UGT2B17: variants seen among roughly 807,000 people sequenced by gnomAD.
The protein encoded by UGT2B17 is UDP-glucuronosyltransferase 2B17.
Under a neutral mutation model 48.2 loss-of-function variants are expected in UGT2B17, and 21 were observed. That is an observed-to-expected ratio of 0.44 (90% CI 0.31 to 0.63). UGT2B17 has a LOEUF of 0.63. Ranked by LOEUF, UGT2B17 falls within the 20% of genes least tolerant of loss-of-function variation. The probability of loss-of-function intolerance (pLI) is 0.08; values close to 1 mark genes in which losing one functional copy is unlikely to be tolerated. For missense variants in UGT2B17, 402 were observed against 696.1 expected (o/e 0.58, Z 4.75); for synonymous variants, 146 against 238.4 (o/e 0.61, Z 3.57).
chr4:68,538,648 A>G (rs2109756730), intron 6 of UGT2B17, among the ~76,000 whole-genome samples: 1 of 126,790 alleles, frequency 7.9e-6, no homozygotes, highest in Admixed American at 8.1e-5. Flanking sequence ...TCCTACTAGT[A>G]GCCAGAACAT....
chr4:68,541,460 T>G (rs1730654302), intron 6 of UGT2B17, among the ~76,000 whole-genome samples: 1 of 126,836 alleles, frequency 7.9e-6, no homozygotes, highest in Non-Finnish European at 1.7e-5. Flanking sequence ...GAGAAGTGTC[T>G]GTTTATATCC....
At chr4:68,549,839 T>C (rs1730883905) in intron 6 of UGT2B17, among the ~76,000 whole-genome samples, 1 of 125,956 alleles carries the variant, frequency 7.9e-6, no homozygotes, top group African/African-American at 2.7e-5. Flanking sequence ...AGAAAATATG[T>C]ATAACAATAT....
rs756338015 is a variant in UGT2B17, at chr4:68,561,471, A to G, written c.874-803T>C. ...CTCAGATCATTGTTTAGGTATGACTATGATACCTTTTGTCCTGAAATCACA... is the reference window on the plus strand; with the variant it reads ...CTCAGATCATTGTTTAGGTATGACTGTGATACCTTTTGTCCTGAAATCACA... On this transcript the variant is annotated intron_variant, in intron 3 of 6. Transcript: ENST00000317746. 1.6e-5 allele frequency among the ~76,000 whole-genome samples: 2 copies of G among 124,752 alleles called. 1 individual carries two copies. The highest frequency in any genetic ancestry group is 3.4e-5 in the Non-Finnish European group (2 of 59,264). The allele number at this position is 124,752 out of a possible 152,430, so 81.8% of individuals were successfully genotyped here. A position where few individuals can be genotyped will look rare whatever the true frequency, so the allele number is the denominator to read the frequency against.
rs1331143046 is a variant in UGT2B17 at position 68,537,760 on chromosome 4, C to G, written c.1458G>C (p.Trp486Cys). The change falls in exon 7 of 7, where the codon TGG (tryptophan) becomes TGC (cysteine). Residue 486 changes from tryptophan (W) to cysteine (C), a missense_variant. Trp to Cys is a radical substitution (Grantham distance 215, BLOSUM62 -2). Transcript: ENST00000317746. ...TCACATCCAAAGAGTGGTACTGGAT[C>G]CAGGTGAGGTTGTGGGCTGCGACCC... The part of the protein sequence containing the change: ...HLRVAAHNLT[W>C]IQYHSLDVIA... 1.4e-6 allele frequency: 2 copies of G among 1,379,582 alleles called. 1 individual carries two copies. The highest frequency in any genetic ancestry group is 2.9e-5 in the African/African-American group (2 of 67,914). 85.5% of individuals were successfully genotyped at this position (1,379,582 alleles called of 1,614,324 possible).
intron 4 of UGT2B17, among the ~76,000 whole-genome samples, chr4:68,553,780 T>C (rs1340103318): frequency 1.6e-5 from 2 of 122,552 alleles, no homozygotes; most frequent in African/African-American, 5.6e-5. Context: ...GTCTCCTCTA[T>C]TGTTTTTATT....
chr4:68,574,859 T>A (rs1232483747), intron 1 of UGT2B17, among the ~76,000 whole-genome samples: 1 of 125,154 alleles, frequency 8.0e-6, no homozygotes, highest in African/African-American at 2.7e-5. Context: ...ATTACAAACA[T>A]TTTTTTCTTC....
chr4:68,539,306 A>G (rs1488709432), intron 6 of UGT2B17, among the ~76,000 whole-genome samples: 2 of 125,650 alleles, frequency 1.6e-5, no homozygotes, highest in African/African-American at 5.4e-5. Context: ...TTATGTTTAT[A>G]TAATTGAATT....
intron 3 of UGT2B17, among the ~76,000 whole-genome samples, chr4:68,564,447 C>A (rs1388961973): frequency 8.3e-6 from 1 of 120,580 alleles, no homozygotes; most frequent in Non-Finnish European, 1.7e-5. Flanking sequence ...TGCCAACATG[C>A]CTGACTAATT....
chr4:68,539,558 G>A (rs1288415600), intron 6 of UGT2B17, among the ~76,000 whole-genome samples: 1 of 123,134 alleles, frequency 8.1e-6, no homozygotes, highest in African/African-American at 2.8e-5. Context: ...ATGAGAGAAA[G>A]GCATATTTAT....
rs1173885669 is a variant in UGT2B17 at position 68,568,974 on chromosome 4, T to A, written c.-64-426A>T. ...ATTATCTCCAAAAGATTCTATACAA[T>A]AGCCTCTAACCCCCCACTCTGAAAT... On this transcript the variant is annotated intron_variant, in intron 1 of 6. Coordinates refer to ENST00000317746, the MANE Select transcript of UGT2B17 (RefSeq NM_001077.4). 1.4e-5 allele frequency among the ~76,000 whole-genome samples: 2 copies of A among 138,842 alleles called. 1 individual carries two copies. The highest frequency in any genetic ancestry group is 3.1e-5 in the Non-Finnish European group (2 of 63,624). The allele number at this position is 138,842 out of a possible 152,430, so 91.1% of individuals were successfully genotyped here.
intron 4 of UGT2B17, among the ~76,000 whole-genome samples, chr4:68,557,051 G>A (rs1226850743): frequency 8.0e-6 from 1 of 124,856 alleles, no homozygotes; most frequent in Non-Finnish European, 1.7e-5. Flanking sequence ...AATGGTGTTT[G>A]GTCTTTTTGA....
rs1165415833 is a variant in UGT2B17 at position 68,559,294 on chromosome 4, T to G, written c.1005+1243A>C. On this transcript the variant is annotated intron_variant, in intron 4 of 6. Transcript: ENST00000317746. Reference sequence around the variant, plus strand: ...TGTAGTAAATTCAGACTATTATCAGTATTGCTACTTTTGTAAATGCTAACA... The same window carrying G: ...TGTAGTAAATTCAGACTATTATCAGGATTGCTACTTTTGTAAATGCTAACA... Among the ~76,000 whole-genome samples the G allele has an allele frequency of 6.3e-5, 8 of 126,224 alleles. 3 individuals are homozygous for G. Among genetic ancestry groups the G allele is most frequent in the Non-Finnish European group, 1.3e-4 (8 of 59,586 alleles). The allele number at this position is 126,224 out of a possible 152,430, so 82.8% of individuals were successfully genotyped here.
In UGT2B17 at chr4:68,541,057, T is replaced by G. The variant is rs1730646425; in HGVS notation, c.1314-3153A>C. On this transcript the variant is annotated intron_variant, in intron 6 of 6. Coordinates refer to ENST00000317746, the MANE Select transcript of UGT2B17 (RefSeq NM_001077.4). ...TTATCCAGTCTATCATTGATGAGTA[T>G]TTGTGTTGGTTCCATATCTTTGATA... 1.6e-5 allele frequency among the ~76,000 whole-genome samples: 2 copies of G among 126,012 alleles called. 1 individual carries two copies. Among genetic ancestry groups the G allele is most frequent in the Admixed American group, 1.6e-4 (2 of 12,212 alleles). The allele number at this position is 126,012 out of a possible 152,430, so 82.7% of individuals were successfully genotyped here.
rs1227795443 is a variant in UGT2B17 at position 68,559,909 on chromosome 4, C to A, written c.1005+628G>T. 1.6e-5 allele frequency among the ~76,000 whole-genome samples: 2 copies of A among 124,840 alleles called. 1 individual carries two copies. Among genetic ancestry groups the A allele is most frequent in the Non-Finnish European group, 3.4e-5 (2 of 59,230 alleles). 81.9% of individuals were successfully genotyped at this position (124,840 alleles called of 152,430 possible). On this transcript the variant is annotated intron_variant, in intron 4 of 6. Transcript: ENST00000317746. The stretch of plus-strand genomic sequence containing the variant: ...AAGACATTAGCGGCACCCAAGCCAG[C>A]AGAGCAGACAAGTTTTTCTTTTTCT...
At chr4:68,571,564 A>G (rs1419180113) in intron 1 of UGT2B17, among the ~76,000 whole-genome samples, 2 of 126,532 alleles carry the variant, frequency 1.6e-5, no homozygotes, top group Non-Finnish European at 3.4e-5. Context: ...GCCTTACAGG[A>G]TGAGTGAATC....
intron 3 of UGT2B17, among the ~76,000 whole-genome samples, chr4:68,564,052 A>C (rs1277666561): frequency 8.0e-6 from 1 of 124,248 alleles, no homozygotes; most frequent in Non-Finnish European, 1.7e-5. Flanking sequence ...TTTTCCACAC[A>C]ACACAATATG....
At position 68,551,964 on chromosome 4, in the gene UGT2B17, A is replaced by G. The variant is rs571753278; in HGVS notation, c.1006-53T>C. The G allele has an allele frequency of 9.5e-6, 11 of 1,152,718 alleles. 3 individuals carry two copies. In the South Asian group the frequency reaches 1.3e-4, roughly 14 times the overall value. 71.4% of individuals were successfully genotyped at this position (1,152,718 alleles called of 1,614,324 possible). On this transcript the variant is annotated intron_variant, in intron 4 of 6. Coordinates refer to ENST00000317746, the MANE Select transcript of UGT2B17 (RefSeq NM_001077.4). ...CAATGAATAGAACTCTAAAAATATA[A>G]CTTGTTAGAATTCTGAAGAGATTAA...
rs374622655 is a variant in UGT2B17 at position 68,545,499 on chromosome 4, G to A, written c.1313+5178C>T. On this transcript the variant is annotated intron_variant, in intron 6 of 6. Coordinates refer to ENST00000317746, the MANE Select transcript of UGT2B17 (RefSeq NM_001077.4). The stretch of plus-strand genomic sequence containing the variant: ...AAACATCTAAAATTGACACCCTAAC[G>A]TCACAATTAAAAGAACTAGAGAAGC... 4.8e-5 allele frequency among the ~76,000 whole-genome samples: 6 copies of A among 124,654 alleles called. 2 individuals carry two copies. The highest frequency in any genetic ancestry group is 1.5e-3 in the East Asian group (2 of 1,306). 81.8% of individuals were successfully genotyped at this position (124,654 alleles called of 152,430 possible).
In UGT2B17 at chr4:68,568,309, G is replaced by A. The variant is rs746281099; in HGVS notation, c.176C>T (p.Ser59Leu). 5.1e-6 allele frequency: 7 copies of A among 1,378,078 alleles called. 1 individual carries two copies. The highest frequency in any genetic ancestry group is 1.6e-5 in the South Asian group (1 of 61,248). The allele number at this position is 1,378,078 out of a possible 1,614,324, so 85.4% of individuals were successfully genotyped here. The part of the protein sequence containing the change: ...RGHEVIVLTS[S>L]ASILVNASKS... The stretch of plus-strand genomic sequence containing the variant: ...ACTGGCATTGACAAGAATAGAAGCC[G>A]AAGATGTCAACACAATCACCTCATG... The change falls in exon 2 of 7, where the codon TCG (serine) becomes TTG (leucine). Residue 59 changes from serine to leucine, a missense_variant. Around this residue, in one of 5 missense-constraint regions of UGT2B17, gnomAD observed 51 missense variants for 108.7 expected, o/e 0.47. Coordinates refer to ENST00000317746, the MANE Select transcript of UGT2B17 (RefSeq NM_001077.4).
Sources: allele counts gnomAD v4.1 joint callset (sites outside exome capture counted in the v4.1 genomes callset), GRCh38; gene constraint gnomAD v4.1.1; regional missense constraint gnomAD v4.1.1; transcripts MANE v1.5; gene names NCBI Gene and HGNC (gene_info 2026-07-23, HGNC 2026-07-21).